The following HEPHL1 variants were observed in gnomAD, a reference collection of about 807,000 sequenced individuals.
HEPHL1 encodes hephaestin like 1.
In HEPHL1, 123 loss-of-function variants were observed where a neutral mutation model predicts 122.0. The observed-to-expected ratio is 1.01, with a 90% CI of 0.87 to 1.17. HEPHL1 has a LOEUF of 1.17. Among genes scored for constraint, HEPHL1 ranks in the 50% most tolerant of loss-of-function variants. HEPHL1 has a pLI of 0.00. For missense variants in HEPHL1, 1,452 were observed against 1,430.5 expected, an observed-to-expected ratio of 1.01 and a Z score of -0.24; for synonymous variants, 527 against 508.9, an observed-to-expected ratio of 1.04 and a Z score of -0.48.
intron 1 of HEPHL1, among the ~76,000 whole-genome samples, chr11:94,042,618 C>T (rs1375267683): frequency 2.0e-5 from 3 of 150,288 alleles, no homozygotes; most frequent in South Asian, 2.1e-4. Context: ...AGTAAACTAT[C>T]GCGAGAACAA....
intron 13 of HEPHL1, among the ~76,000 whole-genome samples, chr11:94,095,380 C>G (rs915989301): frequency 2.4e-4 from 36 of 152,196 alleles, no homozygotes; most frequent in Admixed American, 3.3e-4. Flanking sequence ...CAGTACCATG[C>G]TGTTTTGGCT....
At chr11:94,034,217 T>C (rs145099757) in intron 1 of HEPHL1, among the ~76,000 whole-genome samples, 55 of 152,340 alleles carry the variant, frequency 3.6e-4, no homozygotes, top group Non-Finnish European at 6.6e-4. Context: ...CAGATGTCCT[T>C]TCCTCCATCT....
intron 2 of HEPHL1, among the ~76,000 whole-genome samples, chr11:94,056,134 CTT>C (rs1382465299): frequency 2.0e-5 from 3 of 152,128 alleles, no homozygotes; most frequent in African/African-American, 7.2e-5. Flanking sequence ...GACAAAATAT[CTT>C]TGTCTCTAAT....
chr11:94,026,830 G>A (rs755400730), intron 1 of HEPHL1, among the ~76,000 whole-genome samples: 7 of 152,164 alleles, frequency 4.6e-5, no homozygotes, highest in Non-Finnish European at 5.9e-5. Context: ...TAGAATTCTT[G>A]CCCCACTTTA....
intron 2 of HEPHL1, among the ~76,000 whole-genome samples, chr11:94,059,709 A>G (rs574281263): frequency 3.6e-4 from 55 of 152,212 alleles, no homozygotes; most frequent in African/African-American, 1.3e-3. Context: ...CTTTATATTT[A>G]TACTTTATTT....
At chr11:94,022,878 G>A (rs1945593436) in intron 1 of HEPHL1, among the ~76,000 whole-genome samples, 2 of 152,184 alleles carry the variant, frequency 1.3e-5, no homozygotes, top group Admixed American at 1.3e-4. Flanking sequence ...GCAGCTACTG[G>A]GGATAAGAAT....
intron 1 of HEPHL1, among the ~76,000 whole-genome samples, chr11:94,029,575 T>C (rs1055114987): frequency 6.6e-6 from 1 of 152,250 alleles, no homozygotes; most frequent in African/African-American, 2.4e-5. Flanking sequence ...TCCATTGCCC[T>C]GAAGTGGGGC....
chr11:94,098,561 C>A (rs1946338805), intron 13 of HEPHL1, among the ~76,000 whole-genome samples: 1 of 152,110 alleles, frequency 6.6e-6, no homozygotes, highest in Non-Finnish European at 1.5e-5. Context: ...TGTTGGCCTG[C>A]CTTGCTAGGT....
chr11:94,058,349 C>T (rs1033136916), intron 2 of HEPHL1, among the ~76,000 whole-genome samples: 5 of 152,106 alleles, frequency 3.3e-5, no homozygotes, highest in Admixed American at 6.6e-5. Context: ...TTGCTGACTT[C>T]TTTGCTCTCC....
At position 94,067,802 on chromosome 11, in the gene HEPHL1, C is replaced by G. The variant is rs1018483743; in HGVS notation, c.1063+52C>G. 7.7e-6 allele frequency: 12 copies of G among 1,552,302 alleles called. No individual in the cohort carries two copies. In the African/African-American group the frequency reaches 1.6e-4, roughly 21 times the overall value. On this transcript the variant is annotated intron_variant, in intron 5 of 19. Coordinates refer to ENST00000315765, the MANE Select transcript of HEPHL1 (RefSeq NM_001098672.2). ...TATGTTTAGAATGGTACAATCAAAC[C>G]ACACAGTCACTAGTGCTCATCCAGT...
chr11:94,084,014 T>C (rs1225562087), intron 10 of HEPHL1, among the ~76,000 whole-genome samples: 1 of 152,176 alleles, frequency 6.6e-6, no homozygotes, highest in African/African-American at 2.4e-5. Context: ...AATGTGAAAC[T>C]ACTTTCATAT....
intron 2 of HEPHL1, among the ~76,000 whole-genome samples, chr11:94,059,723 A>G (rs898516799): frequency 6.6e-6 from 1 of 152,006 alleles, no homozygotes; most frequent in Non-Finnish European, 1.5e-5. Flanking sequence ...TTTATTTTTG[A>G]TTCCCAGTGA....
intron 1 of HEPHL1, among the ~76,000 whole-genome samples, chr11:94,040,461 C>T (rs1175312823): frequency 2.9e-3 from 45 of 15,484 alleles, no homozygotes; most frequent in East Asian, 8.1e-3. Context: ...AACATTGATG[C>T]AAAAATCCTC....
intron 9 of HEPHL1, among the ~76,000 whole-genome samples, chr11:94,081,399 G>A (rs549216204): frequency 6.6e-6 from 1 of 152,268 alleles, no homozygotes; most frequent in Admixed American, 6.5e-5. Context: ...CATGGCACAT[G>A]TTTACCTATG....
intron 1 of HEPHL1, among the ~76,000 whole-genome samples, chr11:94,043,171 A>G (rs1277182050): frequency 6.6e-6 from 1 of 152,188 alleles, no homozygotes; most frequent in Non-Finnish European, 1.5e-5. Context: ...AACAGAAAAA[A>G]TGAAAAGAAA....
rs775678346 is a variant in HEPHL1 at position 94,067,643 on chromosome 11, G to A, written c.956G>A (p.Arg319Gln). 13 of 1,613,682 alleles carry A rather than the reference G, an allele frequency of 8.1e-6. No homozygotes were observed. The highest frequency in any genetic ancestry group is 4.0e-5 in the African/African-American group (3 of 74,990). ...AACACCTTCATCAGCAGAGGGCATC[G>A]GACTGATGTCGTCAACCTGTTCCCA... ...YGNTFISRGH[R>Q]TDVVNLFPAT... is the part of the protein sequence containing the mutation. Residue 319 changes from arginine (R) to glutamine (Q), a missense_variant, in exon 5 of 20, where the codon CGG (arginine) becomes CAG (glutamine). Transcript: ENST00000315765.
At chr11:94,021,686 A>G in intron 1 of HEPHL1, 148 bp downstream of exon 1, 2 of 631,372 alleles carry the variant, frequency 3.2e-6, no homozygotes, top group Non-Finnish European at 5.5e-6. Flanking sequence ...GAAGAGCCCT[A>G]GTATGGATGG....
At chr11:94,050,760 T>C (rs996509420) in intron 2 of HEPHL1, among the ~76,000 whole-genome samples, 1 of 152,166 alleles carries the variant, frequency 6.6e-6, no homozygotes, top group Non-Finnish European at 1.5e-5. Flanking sequence ...TAGGTCTTAT[T>C]AATTCTTTCT....
chr11:94,062,524 T>C (rs12804574), intron 2 of HEPHL1, among the ~76,000 whole-genome samples: 1 of 152,202 alleles, frequency 6.6e-6, no homozygotes, highest in Non-Finnish European at 1.5e-5. Context: ...GCCTAGCACA[T>C]TGGTAGCATG....
Sources: gnomAD v4.1 joint callset for allele counts (sites outside exome capture counted in the v4.1 genomes callset) on GRCh38, gnomAD v4.1.1 for gene constraint, MANE v1.5 for transcripts, NCBI Gene and HGNC (gene_info 2026-07-23, HGNC 2026-07-21) for gene names.